Variants in NAA15 observed in about 807,000 individuals in gnomAD.
NAA15 encodes N-terminal acetyltransferase.
In NAA15, 34 loss-of-function variants were observed where a neutral mutation model predicts 114.0. That is an observed-to-expected ratio of 0.30 (90% CI 0.23 to 0.40). NAA15 has a LOEUF of 0.40. NAA15 is among the 10% of genes least tolerant of loss of function. The pLI is 1.00. For missense variants in NAA15, 658 were observed against 1,004.5 expected, an observed-to-expected ratio of 0.66 and a Z score of 4.66; for synonymous variants, 340 against 338.0, an observed-to-expected ratio of 1.01 and a Z score of -0.06.
chr4:139,318,810 C>T (rs187753260), intron 1 of NAA15, among the ~76,000 whole-genome samples: 331 of 151,334 alleles, frequency 2.2e-3, no homozygotes, highest in Non-Finnish European at 3.3e-3. Flanking sequence ...GCCAAGATCG[C>T]GCCACTGTAC....
chr4:139,370,455 C>G lies in NAA15; in HGVS notation c.1947+51C>G, dbSNP rs775672574. 2.7e-6 allele frequency: 4 copies of G among 1,470,836 alleles called. No individual in the cohort carries two copies. The East Asian group carries it at 7.1e-5, about 26-fold the overall frequency. 91.1% of individuals were successfully genotyped at this position (1,470,836 alleles called of 1,614,324 possible). ...ATTGAGTGACATTTTATGACCAGCT[C>G]TTGTCATTTTTATACTGTCTTATTT... On this transcript the variant is annotated intron_variant, in intron 15 of 19. Coordinates refer to ENST00000296543, the MANE Select transcript of NAA15 (RefSeq NM_057175.5).
chr4:139,344,367 C>T (rs1747510359), intron 6 of NAA15, 28 bp downstream of exon 6: 1 of 1,570,376 alleles, frequency 6.4e-7, no homozygotes, highest in Non-Finnish European at 8.7e-7. Flanking sequence ...GTCATTTATT[C>T]TAATATTGAA....
At chr4:139,304,799 C>G (rs549043742) in intron 1 of NAA15, among the ~76,000 whole-genome samples, 3 of 152,120 alleles carry the variant, frequency 2.0e-5, no homozygotes, top group Admixed American at 6.6e-5. Flanking sequence ...CAAAGTACCC[C>G]CCTCTGTTGC....
At chr4:139,379,699 A>G (rs1325828821) in intron 17 of NAA15, among the ~76,000 whole-genome samples, 1 of 152,200 alleles carries the variant, frequency 6.6e-6, no homozygotes, top group Non-Finnish European at 1.5e-5. Flanking sequence ...AACTGAGGAA[A>G]TTAAATCAGG....
chr4:139,322,964 T>G (rs927159233), intron 1 of NAA15, among the ~76,000 whole-genome samples: 4 of 151,688 alleles, frequency 2.6e-5, no homozygotes, highest in Non-Finnish European at 4.4e-5. Flanking sequence ...TAGCTGGGAT[T>G]GCAGGCATAA....
chr4:139,386,525 C>T (rs1748913556), intron 19 of NAA15: 1 of 208,426 alleles, frequency 4.8e-6, no homozygotes, highest in Non-Finnish European at 9.6e-6. Context: ...AGTGGAGATT[C>T]TAACATGTTT....
In NAA15 at chr4:139,310,916, G is replaced by A. The variant is rs142209415; in HGVS notation, c.54+9085G>A. Among the ~76,000 whole-genome samples, 746 of 143,666 alleles carry A rather than the reference G, an allele frequency of 5.2e-3. 18 individuals are homozygous for A. The highest frequency in any genetic ancestry group is 0.019 in the African/African-American group (714 of 36,896). The allele number at this position is 143,666 out of a possible 152,430, so 94.3% of individuals were successfully genotyped here. ...TTACAGGTGTGAGCCATTATGCCTG[G>A]CCTAATTTAAAAAATTTTGAGACAG... On this transcript the variant is annotated intron_variant, in intron 1 of 19. Coordinates refer to ENST00000296543, the MANE Select transcript of NAA15 (RefSeq NM_057175.5).
At position 139,359,909 on chromosome 4, in the gene NAA15, G is replaced by A. The variant is rs762577728; in HGVS notation, c.1410+14G>A. 6.4e-7 allele frequency: 1 copy of A among 1,561,600 alleles called. No individual in the cohort carries two copies. ...AAGTTTACAAGGGTTTGTACAGCTA[G>A]TGTTCTTAATTATGAATAAAGAAGA... On this transcript the variant is annotated intron_variant, in intron 12 of 19. Transcript: ENST00000296543.
At chr4:139,301,897 A>G (rs1745773737) in intron 1 of NAA15, 66 bp downstream of exon 1, 56 of 1,511,982 alleles carry the variant, frequency 3.7e-5, no homozygotes, top group Non-Finnish European at 5.0e-5. Context: ...GTCACCCCTA[A>G]CCTCGGCCCG....
intron 4 of NAA15, among the ~76,000 whole-genome samples, chr4:139,341,723 T>A (rs542942438): frequency 1.0e-3 from 156 of 148,992 alleles, no homozygotes; most frequent in African/African-American, 3.5e-3. Flanking sequence ...AAAAAAAAAA[T>A]TTTTTTTTTC....
At chr4:139,349,087 T>C (rs1747694526) in intron 6 of NAA15, among the ~76,000 whole-genome samples, 1 of 152,102 alleles carries the variant, frequency 6.6e-6, no homozygotes, top group African/African-American at 2.4e-5. Context: ...GATCATAAGG[T>C]TAGGATATTG....
At chr4:139,341,861 A>G (rs1485029893) in intron 4 of NAA15, among the ~76,000 whole-genome samples, 1 of 151,740 alleles carries the variant, frequency 6.6e-6, no homozygotes, top group Non-Finnish European at 1.5e-5. Context: ...AGCTGGGGCT[A>G]CAGACATGTG....
Position 139,305,223 on chromosome 4 carries a change from A to C in NAA15, c.54+3392A>C, listed in dbSNP as rs140047327. ...AGTGTTAGTGGGGCAAAAACCTGTA[A>C]GTTTATTGCCAAAATCACAGTGCTG... On this transcript the variant is annotated intron_variant, in intron 1 of 19. Coordinates refer to ENST00000296543, the MANE Select transcript of NAA15 (RefSeq NM_057175.5). Among the ~76,000 whole-genome samples, 1,296 of 152,310 alleles carry C rather than the reference A, an allele frequency of 8.5e-3. 20 individuals are homozygous for C. The highest frequency in any genetic ancestry group is 0.03 in the African/African-American group (1,242 of 41,574).
chr4:139,387,864 G>T lies in NAA15; in HGVS notation c.2401-20G>T. ...ACCTTTTTTTGACCAGTTACAACAT[G>T]ACTTTTTTTCTTTCCTTAGACATGT... On this transcript the variant is annotated intron_variant, in intron 19 of 19. Transcript: ENST00000296543. The T allele has an allele frequency of 1.2e-6, 2 of 1,600,972 alleles. No homozygotes were observed. The highest frequency in any genetic ancestry group is 2.2e-5 in the South Asian group (2 of 88,980).
At chr4:139,333,154 G>GTT (rs35845314) in intron 1 of NAA15, among the ~76,000 whole-genome samples, 2 of 149,696 alleles carry the variant, frequency 1.3e-5, no homozygotes, top group African/African-American at 4.9e-5. Flanking sequence ...TATAGATGCA[G>GTT]TTTTTTTTTT....
intron 17 of NAA15, among the ~76,000 whole-genome samples, chr4:139,382,445 A>G (rs1340024690): frequency 6.6e-6 from 1 of 152,130 alleles, no homozygotes; most frequent in African/African-American, 2.4e-5. Context: ...AATGAAAACC[A>G]TAAAAACCCC....
chr4:139,331,230 C>G (rs1383846516), intron 1 of NAA15, among the ~76,000 whole-genome samples: 1 of 152,128 alleles, frequency 6.6e-6, no homozygotes, highest in African/African-American at 2.4e-5. Flanking sequence ...CTTTCCCCCT[C>G]CAGAATCAAG....
chr4:139,313,767 C>T (rs1286114630), intron 1 of NAA15, among the ~76,000 whole-genome samples: 3 of 151,782 alleles, frequency 2.0e-5, no homozygotes, highest in Non-Finnish European at 4.4e-5. Flanking sequence ...TAACTCCTGA[C>T]CTCAGGTGAT....
chr4:139,313,509 T>TA (rs1746286595), intron 1 of NAA15, among the ~76,000 whole-genome samples: 1 of 151,790 alleles, frequency 6.6e-6, no homozygotes, highest in South Asian at 2.1e-4. Context: ...GTATAGCCAA[T>TA]ACTTAATGAC....
Sources: allele counts gnomAD v4.1 joint callset (sites outside exome capture counted in the v4.1 genomes callset), GRCh38; gene constraint gnomAD v4.1.1; transcripts MANE v1.5; gene names NCBI Gene and HGNC (gene_info 2026-07-23, HGNC 2026-07-21).